TACC1: variants seen among roughly 807,000 people sequenced by gnomAD.
The protein encoded by TACC1 is transforming acidic coiled-coil containing protein 1.
Under a neutral mutation model 84.4 loss-of-function variants are expected in TACC1, and 48 were observed. That is an observed-to-expected ratio of 0.57 (90% confidence interval 0.45 to 0.72). The LOEUF (loss-of-function observed/expected upper bound fraction) is 0.72, where lower values mean the gene tolerates loss of function less well. Among genes scored for constraint, TACC1 ranks in the 30% least tolerant of loss-of-function variants. The pLI is 0.00. For synonymous variants in TACC1, 372 were observed against 376.3 expected (o/e 0.99, Z 0.13); for missense variants, 920 against 973.0 (o/e 0.95, Z 0.72).
Position 38,820,188 on chromosome 8 carries a change from G to T in TACC1, c.944G>T (p.Ser315Ile), listed in dbSNP as rs1187002558. The change falls in exon 3 of 13, where the codon AGC becomes ATC. Residue 315 changes from serine (S) to isoleucine (I), a missense_variant. By Grantham distance (142) the Ser-to-Ile change is moderately radical. Transcript: ENST00000317827. ...SGVELGEESRSSPLKLEFDFT... is the reference protein window; with the variant it reads ...SGVELGEESRISPLKLEFDFT... ...GTTGAGCTGGGGGAGGAGTCGAGGAGCTCACCTCTCAAGCTTGAGTTTGAT... is the reference window on the plus strand; with the variant it reads ...GTTGAGCTGGGGGAGGAGTCGAGGATCTCACCTCTCAAGCTTGAGTTTGAT... 1.9e-6 allele frequency: 3 copies of T among 1,614,122 alleles called. No homozygotes were observed. In the South Asian group the frequency reaches 3.3e-5, roughly 18 times the overall value.
intron 9 of TACC1, chr8:38,840,572 G>T: frequency 4.5e-6 from 1 of 220,586 alleles, no homozygotes; most frequent in Non-Finnish European, 8.9e-6. Flanking sequence ...CTGGGGATTA[G>T]GTTTCAATAC....
chr8:38,740,050 C>A (rs181859637), intron 1 of TACC1, among the ~76,000 whole-genome samples: 14 of 152,322 alleles, frequency 9.2e-5, no homozygotes, highest in Admixed American at 8.5e-4. Context: ...GCTGGAGGTT[C>A]TCAGCTAACC....
chr8:38,734,036 T>C (rs1256214138), intron 1 of TACC1, among the ~76,000 whole-genome samples: 2 of 152,166 alleles, frequency 1.3e-5, no homozygotes, highest in African/African-American at 2.4e-5. Context: ...TTAATAAGTA[T>C]GGGGAACTGG....
chr8:38,733,173 G>A (rs1805297628), intron 1 of TACC1, among the ~76,000 whole-genome samples: 1 of 152,024 alleles, frequency 6.6e-6, no homozygotes, highest in Non-Finnish European at 1.5e-5. Context: ...AGATATCAGG[G>A]ATATCTTTTT....
Position 38,787,736 on chromosome 8 carries a change from A to C in TACC1, c.154A>C (p.Ser52Arg). 6.5e-7 allele frequency: 1 copy of C among 1,539,900 alleles called. No homozygotes were observed. Among genetic ancestry groups the C allele is most frequent in the Non-Finnish European group, 8.7e-7 (1 of 1,151,868 alleles). Residue 52 changes from serine (S) to arginine (R), a missense_variant, in exon 1 of 13, where the codon AGT (serine) becomes CGT (arginine). Physicochemically the swap from Ser to Arg is moderately radical, Grantham distance 110. This residue lies in a region of TACC1 where 762 missense variants were observed against 747.3 expected (regional missense o/e 1.02). Coordinates refer to ENST00000317827, the MANE Select transcript of TACC1 (RefSeq NM_006283.3). ...EDSQAETKSLSFSSDSEGNFE... is the reference protein window; with the variant it reads ...EDSQAETKSLRFSSDSEGNFE... ...TTCGCAAGCCGAGACCAAATCCTTG[A>C]GTTTCAGGCAAGTACACGGCGTCCC...
chr8:38,751,329 G>T (rs1809000354), intron 3 of TACC1, among the ~76,000 whole-genome samples: 1 of 152,208 alleles, frequency 6.6e-6, no homozygotes, highest in Admixed American at 6.5e-5. Flanking sequence ...AAGGATTAAG[G>T]CAGTAAAGTA....
intron 2 of TACC1, among the ~76,000 whole-genome samples, chr8:38,744,321 G>A (rs1268533093): frequency 5.3e-5 from 8 of 151,836 alleles, no homozygotes; most frequent in Non-Finnish European, 1.0e-4. Flanking sequence ...TCACCATCTT[G>A]GCCAGGCTGG....
At chr8:38,741,866 G>A (rs915093234) in intron 1 of TACC1, among the ~76,000 whole-genome samples, 4 of 152,048 alleles carry the variant, frequency 2.6e-5, no homozygotes, top group African/African-American at 9.7e-5. Context: ...ACTGAAATAC[G>A]GCCAGGGCAT....
chr8:38,852,015 A>G lies in TACC1; in HGVS notation c.*3992A>G. The G allele has an allele frequency of 2.2e-6, 1 of 455,422 alleles. No individual in the cohort carries two copies. Among genetic ancestry groups the G allele is most frequent in the Non-Finnish European group, 4.4e-6 (1 of 226,436 alleles). The allele number at this position is 455,422 out of a possible 1,614,324, so 28.2% of individuals were successfully genotyped here. A position where few individuals can be genotyped will look rare whatever the true frequency, so the allele number is the denominator to read the frequency against. On this transcript the variant is annotated 3_prime_UTR_variant, in exon 13 of 13. Coordinates refer to ENST00000317827, the MANE Select transcript of TACC1 (RefSeq NM_006283.3). ...AGTCTCCATAGAGTAACAGTAAAGAAACTGATGTAACAGACTCTCCTCTCA... is the reference window on the plus strand; with the variant it reads ...AGTCTCCATAGAGTAACAGTAAAGAGACTGATGTAACAGACTCTCCTCTCA...
chr8:38,803,649 C>G (rs1423913866), intron 2 of TACC1, among the ~76,000 whole-genome samples: 16 of 152,030 alleles, frequency 1.1e-4, no homozygotes, highest in Admixed American at 1.0e-3. Context: ...TTATGTGTTG[C>G]TGGATTTGGT....
Position 38,801,945 on chromosome 8 carries a change from G to A in TACC1, c.277+13126G>A, listed in dbSNP as rs528936855. Among the ~76,000 whole-genome samples the A allele has an allele frequency of 3.3e-5, 5 of 152,256 alleles. No homozygotes were observed. In the East Asian group the frequency reaches 9.6e-4, roughly 29 times the overall value. On this transcript the variant is annotated intron_variant, in intron 2 of 12. Coordinates refer to ENST00000317827, the MANE Select transcript of TACC1 (RefSeq NM_006283.3). ...TGTTTGTTTTTTGAGACATGGTCTT[G>A]CTGTGTCACCCAAGCTGGATTGCAG...
intron 3 of TACC1, among the ~76,000 whole-genome samples, chr8:38,775,184 G>A (rs1025801626): frequency 6.6e-6 from 1 of 152,030 alleles, no homozygotes; most frequent in African/African-American, 2.4e-5. Flanking sequence ...GGGGCTGGGG[G>A]GAAACTCCAG....
chr8:38,773,158 T>C (rs894440332), intron 3 of TACC1, among the ~76,000 whole-genome samples: 24 of 151,972 alleles, frequency 1.6e-4, no homozygotes, highest in African/African-American at 5.8e-4. Context: ...AAACCCCATC[T>C]CTATTAATTA....
chr8:38,760,600 G>A (rs377371913), intron 3 of TACC1, among the ~76,000 whole-genome samples: 3 of 151,558 alleles, frequency 2.0e-5, no homozygotes, highest in Admixed American at 6.6e-5. Context: ...GGCACATCTC[G>A]GCTCACTGCA....
chr8:38,825,915 A>C (rs938663790), intron 4 of TACC1, among the ~76,000 whole-genome samples: 1 of 152,232 alleles, frequency 6.6e-6, no homozygotes, highest in Non-Finnish European at 1.5e-5. Context: ...AAGGTTTCTT[A>C]ATGATTATAT....
At chr8:38,769,044 G>GGT (rs1220202384) in intron 3 of TACC1, among the ~76,000 whole-genome samples, 1 of 147,948 alleles carries the variant, frequency 6.8e-6, no homozygotes, top group Non-Finnish European at 1.5e-5. Context: ...GGAGGTGTAT[G>GGT]GTGTGTGTGT....
intron 2 of TACC1, among the ~76,000 whole-genome samples, chr8:38,792,942 G>A (rs1388371165): frequency 1.3e-5 from 2 of 152,178 alleles, no homozygotes; most frequent in East Asian, 3.9e-4. Context: ...AGGGGTTGTG[G>A]CTTTGTGTAG....
intron 1 of TACC1, among the ~76,000 whole-genome samples, chr8:38,730,366 C>T (rs780814684): frequency 6.6e-6 from 1 of 152,268 alleles, no homozygotes; most frequent in Admixed American, 6.5e-5. Context: ...GCCTCTCTCT[C>T]CAAGTCTTTT....
intron 2 of TACC1, among the ~76,000 whole-genome samples, chr8:38,804,001 G>C (rs1822051445): frequency 6.6e-6 from 1 of 152,022 alleles, no homozygotes; most frequent in African/African-American, 2.4e-5. Flanking sequence ...GTCTTTCTTG[G>C]AATTGATCTA....
Sources: allele counts gnomAD v4.1 joint callset (sites outside exome capture counted in the v4.1 genomes callset), GRCh38; gene constraint gnomAD v4.1.1; regional missense constraint gnomAD v4.1.1; transcripts MANE v1.5; gene names NCBI Gene and HGNC (gene_info 2026-07-23, HGNC 2026-07-21).